The following DLG2 variants were observed in gnomAD, a reference collection of about 807,000 sequenced individuals.
The protein encoded by DLG2 is discs large MAGUK scaffold protein 2.
DLG2 carries 45 observed loss-of-function variants against 132.5 expected under a neutral mutation model. The ratio of observed to expected loss-of-function variants is 0.34; its 90% CI spans 0.27 to 0.44. The LOEUF (loss-of-function observed/expected upper bound fraction) is 0.44, where lower values mean the gene tolerates loss of function less well. Ranked by LOEUF, DLG2 falls within the 20% of genes least tolerant of loss-of-function variation. The probability of loss-of-function intolerance (pLI) is 1.00; values close to 1 mark genes in which losing one functional copy is unlikely to be tolerated. For missense variants in DLG2, 1,045 were observed against 1,196.9 expected, an observed-to-expected ratio of 0.87 and a Z score of 1.87; for synonymous variants, 424 against 419.6, an observed-to-expected ratio of 1.01 and a Z score of -0.13.
At chr11:85,413,117 G>A (rs935431902) in intron 3 of DLG2, among the ~76,000 whole-genome samples, 5 of 151,868 alleles carry the variant, frequency 3.3e-5, no homozygotes, top group Admixed American at 2.0e-4. Flanking sequence ...GCACGAGTAA[G>A]GTGGTATCGC....
chr11:84,780,179 A>T lies in DLG2; in HGVS notation c.358-245448T>A, dbSNP rs1248896547. ...AATCCAACATCACATCAAAAAGATTATACACCATGATCAAATGGTTTTTAT... is the reference window on the plus strand; with the variant it reads ...AATCCAACATCACATCAAAAAGATTTTACACCATGATCAAATGGTTTTTAT... On this transcript the variant is annotated intron_variant, in intron 6 of 27. Transcript: ENST00000376104. 2.6e-5 allele frequency among the ~76,000 whole-genome samples: 4 copies of T among 152,134 alleles called. No homozygotes were observed. The East Asian group carries it at 7.7e-4, about 29-fold the overall frequency.
At chr11:85,290,309 A>C (rs1203589341) in intron 3 of DLG2, among the ~76,000 whole-genome samples, 1 of 152,082 alleles carries the variant, frequency 6.6e-6, no homozygotes, top group Non-Finnish European at 1.5e-5. Context: ...ATTATTGTTA[A>C]ATTTACAGGA....
chr11:83,623,441 T>C (rs1397504379), intron 19 of DLG2, among the ~76,000 whole-genome samples: 2 of 152,222 alleles, frequency 1.3e-5, no homozygotes, highest in African/African-American at 4.8e-5. Flanking sequence ...GCAGTTACTA[T>C]ATGCCAGACT....
chr11:84,937,799 A>G (rs1298968220), intron 6 of DLG2, among the ~76,000 whole-genome samples: 1 of 152,216 alleles, frequency 6.6e-6, no homozygotes, highest in Non-Finnish European at 1.5e-5. Context: ...GTGGGGTTAG[A>G]ATACTAGAAA....
intron 6 of DLG2, among the ~76,000 whole-genome samples, chr11:84,826,539 C>A (rs138483454): frequency 6.8e-4 from 104 of 152,020 alleles, no homozygotes; most frequent in Admixed American, 3.1e-3. Context: ...TTTAATTCCT[C>A]AGTATCAGAA....
At chr11:83,598,545 G>T (rs964166085) in intron 19 of DLG2, among the ~76,000 whole-genome samples, 1 of 152,164 alleles carries the variant, frequency 6.6e-6, no homozygotes, top group African/African-American at 2.4e-5. Context: ...CAGCTTTAGG[G>T]TTGCTCATCT....
At chr11:85,302,601 A>T (rs1203843436) in intron 3 of DLG2, among the ~76,000 whole-genome samples, 2 of 151,210 alleles carry the variant, frequency 1.3e-5, no homozygotes, top group Non-Finnish European at 2.9e-5. Context: ...TGCCTTACAC[A>T]GGTGGTGATA....
At chr11:83,821,509 C>T (rs771882949) in intron 17 of DLG2, among the ~76,000 whole-genome samples, 1 of 152,114 alleles carries the variant, frequency 6.6e-6, no homozygotes, top group African/African-American at 2.4e-5. Context: ...CCATGCATTA[C>T]GACCATGTTC....
At chr11:85,105,056 G>A (rs2071515832) in intron 6 of DLG2, among the ~76,000 whole-genome samples, 1 of 151,808 alleles carries the variant, frequency 6.6e-6, no homozygotes, top group African/African-American at 2.4e-5. Context: ...TTTACCGTGT[G>A]CCTATCCACT....
chr11:84,375,029 C>G (rs544458299), intron 7 of DLG2, among the ~76,000 whole-genome samples: 49 of 152,216 alleles, frequency 3.2e-4, no homozygotes, highest in Admixed American at 7.2e-4. Flanking sequence ...AGCTGGTAGA[C>G]TTATATTCAA....
At chr11:84,814,362 GC>G (rs1254296355) in intron 6 of DLG2, among the ~76,000 whole-genome samples, 2 of 151,986 alleles carry the variant, frequency 1.3e-5, no homozygotes, top group African/African-American at 4.8e-5. Flanking sequence ...AGTAATCTAG[GC>G]TTTTTCTGCT....
chr11:84,141,374 G>A (rs1241797601), intron 9 of DLG2, among the ~76,000 whole-genome samples: 1 of 151,726 alleles, frequency 6.6e-6, no homozygotes, highest in Non-Finnish European at 1.5e-5. Flanking sequence ...AAATGAAAAT[G>A]TATAGACATA....
chr11:85,036,642 A>G (rs1365102698), intron 6 of DLG2, among the ~76,000 whole-genome samples: 1 of 152,248 alleles, frequency 6.6e-6, no homozygotes, highest in East Asian at 1.9e-4. Flanking sequence ...ATTACCATGC[A>G]TTTATTATTC....
chr11:84,682,940 C>G (rs1484246875), intron 6 of DLG2, among the ~76,000 whole-genome samples: 4 of 152,146 alleles, frequency 2.6e-5, no homozygotes, highest in Admixed American at 2.6e-4. Context: ...TTTAAATAAA[C>G]AGGCCAAATT....
chr11:85,010,087 C>A (rs1213346777), intron 6 of DLG2, among the ~76,000 whole-genome samples: 2 of 152,036 alleles, frequency 1.3e-5, no homozygotes, highest in Admixed American at 6.6e-5. Flanking sequence ...AAAAATTCAA[C>A]CTTTGGAGGA....
intron 6 of DLG2, among the ~76,000 whole-genome samples, chr11:84,710,947 T>C (rs1256221609): frequency 1.3e-5 from 2 of 149,890 alleles, no homozygotes; most frequent in East Asian, 3.9e-4. Flanking sequence ...TACTGTGTTC[T>C]TTATAATCAC....
intron 6 of DLG2, among the ~76,000 whole-genome samples, chr11:84,871,697 T>C (rs2085478736): frequency 6.6e-6 from 1 of 151,966 alleles, no homozygotes; most frequent in Admixed American, 6.6e-5. Context: ...AGTATATAAC[T>C]ACATCATTTC....
chr11:84,379,346 A>G (rs993504057), intron 7 of DLG2, among the ~76,000 whole-genome samples: 2 of 152,158 alleles, frequency 1.3e-5, no homozygotes, highest in African/African-American at 4.8e-5. Flanking sequence ...GCTGATGTGA[A>G]CAAAGAACCA....
chr11:83,658,020 T>C (rs1245118062), intron 18 of DLG2, among the ~76,000 whole-genome samples: 1 of 152,166 alleles, frequency 6.6e-6, no homozygotes, highest in African/African-American at 2.4e-5. Context: ...ATAAGGATAA[T>C]AGCCAAACCA....
Sources: allele counts gnomAD v4.1 joint callset (sites outside exome capture counted in the v4.1 genomes callset), GRCh38; gene constraint gnomAD v4.1.1; transcripts MANE v1.5; gene names NCBI Gene and HGNC (gene_info 2026-07-23, HGNC 2026-07-21).